Variants in MAMDC2 observed in about 807,000 individuals in gnomAD.
MAMDC2 encodes MAM domain-containing protein 2.
In MAMDC2, 57 loss-of-function variants were observed where a neutral mutation model predicts 89.8. That is an observed-to-expected ratio of 0.63 (90% CI 0.51 to 0.79). The LOEUF (loss-of-function observed/expected upper bound fraction) is 0.79. Ranked by LOEUF, MAMDC2 falls within the 30% of genes least tolerant of loss-of-function variation. The probability of loss-of-function intolerance (pLI) is 0.00; values close to 1 mark genes in which losing one functional copy is unlikely to be tolerated. For missense variants in MAMDC2, 800 were observed against 820.6 expected (o/e 0.97, Z 0.31); for synonymous variants, 313 against 293.4 (o/e 1.07, Z -0.68).
At chr9:70,161,028 A>G (rs530321538) in intron 9 of MAMDC2, among the ~76,000 whole-genome samples, 2 of 152,220 alleles carry the variant, frequency 1.3e-5, no homozygotes, top group East Asian at 3.9e-4. Context: ...GAAGGGGTGT[A>G]ATGTTTCATA....
chr9:70,082,315 G>T (rs922710351), intron 2 of MAMDC2, among the ~76,000 whole-genome samples: 2 of 152,084 alleles, frequency 1.3e-5, no homozygotes, highest in Non-Finnish European at 2.9e-5. Context: ...AAGATGGTGT[G>T]GGTAACAGCC....
intron 5 of MAMDC2, among the ~76,000 whole-genome samples, chr9:70,114,226 C>G (rs1587483490): frequency 1.4e-5 from 2 of 148,030 alleles, no homozygotes; most frequent in East Asian, 3.9e-4. Flanking sequence ...CCTGTAACAG[C>G]CAGGCAGACA....
chr9:70,132,854 AC>A, intron 7 of MAMDC2, among the ~76,000 whole-genome samples: 1 of 152,276 alleles, frequency 6.6e-6, no homozygotes, highest in Non-Finnish European at 1.5e-5. Flanking sequence ...CTAAACTGTT[AC>A]CCCAAAACTA....
intron 2 of MAMDC2, among the ~76,000 whole-genome samples, chr9:70,065,712 TGA>T (rs1827249062): frequency 6.6e-6 from 1 of 152,134 alleles, no homozygotes; most frequent in African/African-American, 2.4e-5. Context: ...GTCATTGGGT[TGA>T]GACATTGAGT....
chr9:70,205,100 T>C (rs2033196765), intron 11 of MAMDC2, among the ~76,000 whole-genome samples: 1 of 152,230 alleles, frequency 6.6e-6, no homozygotes, highest in Non-Finnish European at 1.5e-5. Flanking sequence ...TTTAATTATG[T>C]TAGTTTCTGA....
chr9:70,089,852 T>C (rs1383284920), intron 2 of MAMDC2, among the ~76,000 whole-genome samples: 1 of 152,198 alleles, frequency 6.6e-6, no homozygotes, highest in Non-Finnish European at 1.5e-5. Flanking sequence ...CTCCTGCAAA[T>C]GGTAGCTGTT....
intron 9 of MAMDC2, among the ~76,000 whole-genome samples, chr9:70,166,112 A>G (rs1222250854): frequency 1.3e-5 from 2 of 151,954 alleles, no homozygotes; most frequent in Non-Finnish European, 2.9e-5. Context: ...GTGGTGGCAC[A>G]TGCCTGTAAT....
intron 11 of MAMDC2, among the ~76,000 whole-genome samples, chr9:70,178,422 C>T (rs1400902379): frequency 6.6e-6 from 1 of 152,192 alleles, no homozygotes; most frequent in South Asian, 2.1e-4. Context: ...GCAGTGCCCC[C>T]ATGACCCAAA....
At chr9:70,172,643 A>T (rs1414798965) in intron 11 of MAMDC2, 1 of 152,634 alleles carries the variant, frequency 6.6e-6, no homozygotes, top group African/African-American at 2.4e-5. Context: ...CTTGCTAGTG[A>T]GTGTCCATTT....
At chr9:70,078,303 C>A (rs1563943605) in intron 2 of MAMDC2, among the ~76,000 whole-genome samples, 1 of 152,122 alleles carries the variant, frequency 6.6e-6, no homozygotes, top group East Asian at 1.9e-4. Flanking sequence ...TTACCTTAGG[C>A]CCCTTCAGTG....
At chr9:70,044,775 T>G in intron 2 of MAMDC2, 78 bp downstream of exon 2, 1 of 1,032,946 alleles carries the variant, frequency 9.7e-7, no homozygotes, top group Non-Finnish European at 1.5e-6. Flanking sequence ...ACATGGGTAA[T>G]GTTATCTTGG....
intron 2 of MAMDC2, among the ~76,000 whole-genome samples, chr9:70,072,845 T>A (rs1477351005): frequency 2.6e-5 from 4 of 152,202 alleles, no homozygotes; most frequent in Non-Finnish European, 4.4e-5. Flanking sequence ...CATTCTATTT[T>A]TTTTTCTTAT....
intron 2 of MAMDC2, among the ~76,000 whole-genome samples, chr9:70,095,779 T>C (rs1279117887): frequency 6.6e-6 from 1 of 152,124 alleles, no homozygotes; most frequent in Non-Finnish European, 1.5e-5. Context: ...AAAAACTAAA[T>C]AATGGTTTAA....
At chr9:70,174,276 C>A (rs2118548484) in intron 11 of MAMDC2, among the ~76,000 whole-genome samples, 1 of 152,290 alleles carries the variant, frequency 6.6e-6, no homozygotes, top group Non-Finnish European at 1.5e-5. Context: ...ATGAACAAAA[C>A]AGACAAGCAT....
chr9:70,143,861 T>G, intron 9 of MAMDC2, 42 bp downstream of exon 9: 1 of 1,598,964 alleles, frequency 6.3e-7, no homozygotes, highest in Non-Finnish European at 8.5e-7. Flanking sequence ...GTTCAGTTGC[T>G]GGACTAGTTT....
At chr9:70,218,727 G>A in intron 12 of MAMDC2, 131 bp downstream of exon 12, 2 of 1,026,148 alleles carry the variant, frequency 1.9e-6, no homozygotes, top group South Asian at 2.1e-5. Flanking sequence ...GATTAAGAGG[G>A]AGTAAACATA....
intron 9 of MAMDC2, among the ~76,000 whole-genome samples, chr9:70,146,759 C>A (rs1413559841): frequency 6.6e-6 from 1 of 151,210 alleles, no homozygotes; most frequent in Non-Finnish European, 1.5e-5. Context: ...ACGGCAAAAC[C>A]CCATCTCTAC....
At chr9:70,160,968 T>C (rs763969490) in intron 9 of MAMDC2, among the ~76,000 whole-genome samples, 2 of 151,892 alleles carry the variant, frequency 1.3e-5, no homozygotes, top group Non-Finnish European at 2.9e-5. Context: ...TAAAGCAAAA[T>C]AGGGAAAATG....
intron 5 of MAMDC2, among the ~76,000 whole-genome samples, chr9:70,124,261 TG>T (rs887308953): frequency 6.6e-6 from 1 of 152,116 alleles, no homozygotes; most frequent in African/African-American, 2.4e-5. Context: ...TTTCTCGATG[TG>T]GGGGAAATAT....
Sources: allele counts gnomAD v4.1 joint callset (sites outside exome capture counted in the v4.1 genomes callset), GRCh38; gene constraint gnomAD v4.1.1; transcripts MANE v1.5; gene names NCBI Gene and HGNC (gene_info 2026-07-23, HGNC 2026-07-21).